The following CADM1 variants were observed in gnomAD, a reference collection of about 807,000 sequenced individuals.
CADM1 encodes the protein TSLC-1.
Under a neutral mutation model 53.1 loss-of-function variants are expected in CADM1, and 15 were observed. The ratio of observed to expected loss-of-function variants is 0.28; its 90% CI spans 0.19 to 0.44. CADM1 has a LOEUF of 0.44. Ranked by LOEUF, CADM1 falls within the 20% of genes least tolerant of loss-of-function variation. The pLI is 1.00. For missense variants in CADM1, 434 were observed against 611.3 expected (o/e 0.71, Z 3.06); for synonymous variants, 281 against 243.0 (o/e 1.16, Z -1.45).
intron 1 of CADM1, among the ~76,000 whole-genome samples, chr11:115,448,795 T>C (rs981620890): frequency 3.3e-5 from 5 of 152,162 alleles, no homozygotes; most frequent in Admixed American, 6.5e-5. Flanking sequence ...TAAAGGAGTA[T>C]AAAAATACAT....
chr11:115,228,871 TG>T (rs1248652128), intron 5 of CADM1, among the ~76,000 whole-genome samples: 1 of 152,176 alleles, frequency 6.6e-6, no homozygotes, highest in African/African-American at 2.4e-5. Context: ...TTAAGTCACG[TG>T]TTAGAGCAGA....
rs1175571323 is a variant in CADM1 at position 115,173,806 on chromosome 11, G to A, written c.*2668C>T. ...CATGTACACCTTAAAAACAGAACTGGCCTAAAGGGAAAAATAAGACGTCGG... is the reference window on the plus strand; with the variant it reads ...CATGTACACCTTAAAAACAGAACTGACCTAAAGGGAAAAATAAGACGTCGG... On this transcript the variant is annotated 3_prime_UTR_variant, in exon 12 of 12. Transcript: ENST00000331581. 2 of 984,180 alleles carry A rather than the reference G, an allele frequency of 2.0e-6. No homozygotes were observed. The highest frequency in any genetic ancestry group is 2.4e-6 in the Non-Finnish European group (2 of 829,216). 61.0% of individuals were successfully genotyped at this position (984,180 alleles called of 1,614,324 possible). A position where few individuals can be genotyped will look rare whatever the true frequency, so the allele number is the denominator to read the frequency against.
At chr11:115,179,740 C>T (rs1260745647) in intron 10 of CADM1, among the ~76,000 whole-genome samples, 2 of 151,850 alleles carry the variant, frequency 1.3e-5, no homozygotes, top group African/African-American at 4.8e-5. Context: ...TTTATTGAGT[C>T]AAGTACGACA....
chr11:115,428,188 C>A (rs138470504), intron 1 of CADM1, among the ~76,000 whole-genome samples: 18 of 152,014 alleles, frequency 1.2e-4, no homozygotes, highest in African/African-American at 3.9e-4. Context: ...TATGAAAAAA[C>A]GTATCATTAG....
At chr11:115,280,294 C>T (rs1300599779) in intron 1 of CADM1, among the ~76,000 whole-genome samples, 9 of 152,162 alleles carry the variant, frequency 5.9e-5, no homozygotes, top group Admixed American at 5.9e-4. Context: ...TCATCTCATT[C>T]TCCCAGAACT....
chr11:115,332,164 T>G (rs1331745807), intron 1 of CADM1, among the ~76,000 whole-genome samples: 1 of 152,162 alleles, frequency 6.6e-6, no homozygotes. Flanking sequence ...AAGCAGGGAT[T>G]CGAAGAGAGT....
rs1938770671 is a variant in CADM1 at position 115,170,952 on chromosome 11, TAAGTGTA to T, written c.*5515_*5521del. On this transcript the variant is annotated 3_prime_UTR_variant, in exon 12 of 12. Coordinates refer to ENST00000331581, the MANE Select transcript of CADM1 (RefSeq NM_001301043.2). ...TACAGCATCGGTGGCCCATTCAGAT[TAAGTGTA>T]ACGTAAGGCTCAGTCAGCCAGGTGC... The T allele has an allele frequency of 6.6e-6, 1 of 152,128 alleles. No individual in the cohort carries two copies. The highest frequency in any genetic ancestry group is 1.5e-5 in the Non-Finnish European group (1 of 68,034). 9.4% of individuals were successfully genotyped at this position (152,128 alleles called of 1,614,324 possible).
intron 1 of CADM1, among the ~76,000 whole-genome samples, chr11:115,419,794 A>C (rs1947708329): frequency 6.6e-6 from 1 of 152,144 alleles, no homozygotes; most frequent in Non-Finnish European, 1.5e-5. Flanking sequence ...AAAATCAGGA[A>C]GTGGCTGATG....
At chr11:115,346,653 T>G (rs1945587009) in intron 1 of CADM1, among the ~76,000 whole-genome samples, 1 of 152,194 alleles carries the variant, frequency 6.6e-6, no homozygotes, top group Non-Finnish European at 1.5e-5. Flanking sequence ...AATATCAACT[T>G]TTCCCAGGTT....
chr11:115,221,163 G>A (rs1313795860), intron 5 of CADM1, among the ~76,000 whole-genome samples: 1 of 152,148 alleles, frequency 6.6e-6, no homozygotes. Context: ...GTATCACTCA[G>A]AATGGCTTAA....
At chr11:115,420,125 G>C (rs918547233) in intron 1 of CADM1, among the ~76,000 whole-genome samples, 13 of 152,114 alleles carry the variant, frequency 8.5e-5, no homozygotes, top group Admixed American at 6.6e-4. Context: ...CCTAGAAGCA[G>C]GCATATTTCT....
intron 1 of CADM1, among the ~76,000 whole-genome samples, chr11:115,456,142 AT>A (rs1434175446): frequency 1.3e-5 from 2 of 152,322 alleles, no homozygotes; most frequent in African/African-American, 4.8e-5. Context: ...AGTAAAACAA[AT>A]GTGGGCCCTT....
intron 4 of CADM1, among the ~76,000 whole-genome samples, chr11:115,229,688 T>C (rs548813456): frequency 1.1e-4 from 17 of 152,298 alleles, no homozygotes; most frequent in African/African-American, 3.8e-4. Flanking sequence ...TAGGCTGTCA[T>C]GCCATTTAGA....
intron 5 of CADM1, among the ~76,000 whole-genome samples, chr11:115,225,315 G>C (rs562847965): frequency 2.0e-5 from 3 of 147,558 alleles, no homozygotes; most frequent in East Asian, 3.9e-4. Context: ...AATAAAAAAG[G>C]GGGGGGGACT....
intron 1 of CADM1, among the ~76,000 whole-genome samples, chr11:115,447,503 C>T (rs1481004491): frequency 6.6e-6 from 1 of 152,146 alleles, no homozygotes; most frequent in Non-Finnish European, 1.5e-5. Context: ...GATCTGGGCC[C>T]TTCAAATGTT....
intron 1 of CADM1, among the ~76,000 whole-genome samples, chr11:115,298,171 C>T (rs541435890): frequency 2.6e-5 from 4 of 152,342 alleles, no homozygotes; most frequent in African/African-American, 9.6e-5. Context: ...ATGCTACTGA[C>T]ACCCTTCTGT....
chr11:115,197,711 G>C (rs1161722843), intron 9 of CADM1, among the ~76,000 whole-genome samples: 1 of 152,146 alleles, frequency 6.6e-6, no homozygotes, highest in South Asian at 2.1e-4. Flanking sequence ...ACACACACCA[G>C]TAACTTATTT....
chr11:115,295,547 TATA>T (rs202192197), intron 1 of CADM1, among the ~76,000 whole-genome samples: 1,651 of 58,348 alleles, frequency 0.028, 73 homozygotes, highest in East Asian at 0.24. Context: ...TATATATATA[TATA>T]ATATATATGT....
chr11:115,488,603 A>G (rs1050084187), intron 1 of CADM1, among the ~76,000 whole-genome samples: 2 of 152,220 alleles, frequency 1.3e-5, no homozygotes, highest in Admixed American at 1.3e-4. Flanking sequence ...CTCCTAAATT[A>G]AAAGGTAATG....
Sources: gnomAD v4.1 joint callset for allele counts (sites outside exome capture counted in the v4.1 genomes callset) on GRCh38, gnomAD v4.1.1 for gene constraint, MANE v1.5 for transcripts, NCBI Gene and HGNC (gene_info 2026-07-23, HGNC 2026-07-21) for gene names.